Variants in ZNF681 observed in about 807,000 individuals in gnomAD.
ZNF681 encodes the protein hypothetical protein FLJ31526.
In ZNF681, 37 loss-of-function variants were observed where a neutral mutation model predicts 56.0. That is an observed-to-expected ratio of 0.66 (90% CI 0.51 to 0.87). The LOEUF (loss-of-function observed/expected upper bound fraction) is 0.87, where lower values mean the gene tolerates loss of function less well. Ranked by LOEUF, ZNF681 falls within the 40% of genes least tolerant of loss-of-function variation. The pLI is 0.00. For synonymous variants in ZNF681, 225 were observed against 248.6 expected (o/e 0.91, Z 0.89); for missense variants, 741 against 744.9 (o/e 0.99, Z 0.06).
chr19:23,746,426 A>G (rs1568310352), intron 3 of ZNF681, among the ~76,000 whole-genome samples: 1 of 152,236 alleles, frequency 6.6e-6, no homozygotes, highest in Non-Finnish European at 1.5e-5. Flanking sequence ...CACAAAGCTT[A>G]CAATCATGGT....
intron 1 of ZNF681, among the ~76,000 whole-genome samples, chr19:23,758,371 T>C (rs541409229): frequency 1.3e-5 from 2 of 152,302 alleles, no homozygotes; most frequent in South Asian, 2.1e-4. Context: ...TTGACTCTCA[T>C]ACATTTTTAA....
intron 1 of ZNF681, among the ~76,000 whole-genome samples, chr19:23,756,794 G>A (rs184156461): frequency 1.1e-4 from 16 of 151,586 alleles, no homozygotes; most frequent in Admixed American, 2.6e-4. Context: ...CTTGTATCCC[G>A]AAACTTAAAG....
At position 23,742,358 on chromosome 19, in the gene ZNF681, G is replaced by GC. The variant is rs1968883204; in HGVS notation, c.*1253dup. ...AATACAAAATTAGCCGGGCATGGTG[G>GC]CACATGCCTGTAATCCCAGCTACTC... On this transcript the variant is annotated 3_prime_UTR_variant, in exon 4 of 4. Coordinates refer to ENST00000402377, the MANE Select transcript of ZNF681 (RefSeq NM_138286.3). The GC allele has an allele frequency of 6.6e-6, 1 of 152,032 alleles. No homozygotes were observed. Among genetic ancestry groups the GC allele is most frequent in the South Asian group, 2.1e-4 (1 of 4,808 alleles). The allele number at this position is 152,032 out of a possible 1,614,324, so 9.4% of individuals were successfully genotyped here.
In ZNF681 at chr19:23,750,176, T is replaced by C. The variant is rs542716642; in HGVS notation, c.226+4647A>G. On this transcript the variant is annotated intron_variant, in intron 3 of 3. Coordinates refer to ENST00000402377, the MANE Select transcript of ZNF681 (RefSeq NM_138286.3). ...GACATGAGCCTGTAATCCCAGCTACTCGGTGGCTGAGGCTGGAGAACTGCT... is the reference window on the plus strand; with the variant it reads ...GACATGAGCCTGTAATCCCAGCTACCCGGTGGCTGAGGCTGGAGAACTGCT... 9.3e-5 allele frequency among the ~76,000 whole-genome samples: 14 copies of C among 150,782 alleles called. No individual in the cohort carries two copies. The South Asian group carries it at 2.9e-3, about 32-fold the overall frequency.
chr19:23,751,950 G>C (rs1226776131), intron 3 of ZNF681, among the ~76,000 whole-genome samples: 1 of 152,186 alleles, frequency 6.6e-6, no homozygotes, highest in South Asian at 2.1e-4. Flanking sequence ...GCCTCCCAGA[G>C]TGCTGGGATT....
At position 23,744,621 on chromosome 19, in the gene ZNF681, T is replaced by C. The variant is rs556442642; in HGVS notation, c.929A>G (p.Asn310Ser). The C allele has an allele frequency of 2.4e-5, 39 of 1,614,064 alleles. No individual in the cohort carries two copies. The South Asian group carries it at 3.2e-4, about 13-fold the overall frequency. ...HKIIHTREKL[N>S]EYKECGKAFN... is the part of the protein sequence containing the mutation. ...AGCTTTGCCACATTCCTTATATTCA[T>C]TGAGTTTCTCTCTGGTATGAATTAT... Residue 310 changes from asparagine to serine, a missense_variant, in exon 4 of 4, where the codon AAT becomes AGT. Transcript: ENST00000402377.
In ZNF681 at chr19:23,745,000, T is replaced by A; in HGVS notation, c.550A>T (p.Asn184Tyr). 1 of 1,600,362 alleles carries A rather than the reference T, an allele frequency of 6.2e-7. No homozygotes were observed. The highest frequency in any genetic ancestry group is 2.2e-5 in the East Asian group (1 of 44,682). Residue 184 changes from asparagine to tyrosine, a missense_variant, in exon 4 of 4, where the codon AAC becomes TAC. Physicochemically the swap from Asn to Tyr is moderately radical, Grantham distance 143. Coordinates refer to ENST00000402377, the MANE Select transcript of ZNF681 (RefSeq NM_138286.3). ...CAAATTATTTTATGTTGAGTTAGGT[T>A]TGAAAATATGCAAAATGATTTGCCA... is the stretch of plus-strand genomic sequence containing the variant. ...EFGKSFCIFS[N>Y]LTQHKIICTR...
Position 23,744,513 on chromosome 19 carries a change from G to C in ZNF681, c.1037C>G (p.Ala346Gly). 1 of 1,613,068 alleles carries C rather than the reference G, an allele frequency of 6.2e-7. No homozygotes were observed. The highest frequency in any genetic ancestry group is 8.5e-7 in the Non-Finnish European group (1 of 1,179,438). Residue 346 changes from alanine (A) to glycine (G), a missense_variant, in exon 4 of 4, where the codon GCC becomes GGC. Coordinates refer to ENST00000402377, the MANE Select transcript of ZNF681 (RefSeq NM_138286.3). The stretch of plus-strand genomic sequence containing the variant: ...GGTAAGGTGTGAGGACTGGTTAAAG[G>C]CTTTGCCACATTCTTCACATTTGTA... ...KPYKCEECGK[A>G]FNQSSHLTRH...
At position 23,743,829 on chromosome 19, in the gene ZNF681, G is replaced by T; in HGVS notation, c.1721C>A (p.Ser574Tyr). ...TCTCTTATGTCTAGTAAGGTGTGAG[G>T]ACTGGTTAAAGGCTTTACCACATTC... Reference protein sequence around the residue: ...CEECGKAFNQSSHLTRHKRIH... With the variant: ...CEECGKAFNQYSHLTRHKRIH... The change falls in exon 4 of 4, where the codon TCC becomes TAC. Residue 574 changes from serine (S) to tyrosine (Y), a missense_variant. By Grantham distance (144) the Ser-to-Tyr change is moderately radical. Transcript: ENST00000402377. 3 of 1,612,618 alleles carry T rather than the reference G, an allele frequency of 1.9e-6. No individual in the cohort carries two copies. The highest frequency in any genetic ancestry group is 2.5e-6 in the Non-Finnish European group (3 of 1,179,594).
In ZNF681 at chr19:23,758,860, C is replaced by G. The variant is rs906615126; in HGVS notation, c.-111G>C. On this transcript the variant is annotated 5_prime_UTR_variant, in exon 1 of 4. Transcript: ENST00000402377. The stretch of plus-strand genomic sequence containing the variant: ...AGAAGAGGACACAGAGCAGTGAAGA[C>G]GAGACCCGGAGCTCGGGCTGAAGGG... The G allele has an allele frequency of 6.8e-7, 1 of 1,479,776 alleles. No individual in the cohort carries two copies. Among genetic ancestry groups the G allele is most frequent in the East Asian group, 2.3e-5 (1 of 43,914 alleles). 91.7% of individuals were successfully genotyped at this position (1,479,776 alleles called of 1,614,324 possible).
intron 3 of ZNF681, among the ~76,000 whole-genome samples, chr19:23,746,857 C>G (rs1968951902): frequency 6.6e-6 from 1 of 152,194 alleles, no homozygotes; most frequent in Admixed American, 6.5e-5. Context: ...GGTGCTGTGG[C>G]TCATGCCTAT....
At chr19:23,758,457 G>C (rs1033950689) in intron 1 of ZNF681, among the ~76,000 whole-genome samples, 2 of 152,130 alleles carry the variant, frequency 1.3e-5, no homozygotes, top group Admixed American at 1.3e-4. Flanking sequence ...GTCAGGATTC[G>C]CCCCTGACGA....
At chr19:23,752,932 C>T (rs1969054312) in intron 3 of ZNF681, among the ~76,000 whole-genome samples, 1 of 151,802 alleles carries the variant, frequency 6.6e-6, no homozygotes, top group Admixed American at 6.6e-5. Flanking sequence ...AAATTGAAGA[C>T]AAGTAAGTAA....
chr19:23,751,448 T>C (rs2886133), intron 3 of ZNF681, among the ~76,000 whole-genome samples: 143,627 of 146,740 alleles, frequency 0.98, 70,382 homozygotes, highest in Middle Eastern at 1. Context: ...TGTACTTTAG[T>C]CTGGCGACAG....
intron 3 of ZNF681, among the ~76,000 whole-genome samples, chr19:23,752,197 G>A (rs555662390): frequency 6.6e-6 from 1 of 152,222 alleles, no homozygotes; most frequent in Non-Finnish European, 1.5e-5. Flanking sequence ...ACCAGGAAAT[G>A]GACTACCCAA....
At position 23,743,786 on chromosome 19, in the gene ZNF681, T is replaced by C. The variant is rs538305056; in HGVS notation, c.1764A>G (p.Lys588=). 18 of 1,613,550 alleles carry C rather than the reference T, an allele frequency of 1.1e-5. No homozygotes were observed. The African/African-American group carries it at 1.7e-4, about 16-fold the overall frequency. Reference sequence around the variant, plus strand: ...TGCCACATTTTTCACATTGGTAGGGTTTCTCTCCAGTATGAATTCTCTTAT... The same window carrying C: ...TGCCACATTTTTCACATTGGTAGGGCTTCTCTCCAGTATGAATTCTCTTAT... The part of the protein sequence containing the change: ...TRHKRIHTGE[K]PYQCEKCGKA... Residue 588 remains lysine (K), a synonymous_variant, in exon 4 of 4, where the codon AAA becomes AAG. Transcript: ENST00000402377.
In ZNF681 at chr19:23,743,158, T is replaced by C. The variant is rs1247840875; in HGVS notation, c.*454A>G. 1.3e-5 allele frequency: 2 copies of C among 152,414 alleles called. No homozygotes were observed. Among genetic ancestry groups the C allele is most frequent in the African/African-American group, 4.8e-5 (2 of 41,468 alleles). 9.4% of individuals were successfully genotyped at this position (152,414 alleles called of 1,614,324 possible). On this transcript the variant is annotated 3_prime_UTR_variant, in exon 4 of 4. Transcript: ENST00000402377. ...AAATTTATTACATTTGCAGGGTTTTTCTCCAATATAAATTTCCTTATGTTG... is the reference window on the plus strand; with the variant it reads ...AAATTTATTACATTTGCAGGGTTTTCCTCCAATATAAATTTCCTTATGTTG...
At chr19:23,757,499 T>C (rs1368524435) in intron 1 of ZNF681, among the ~76,000 whole-genome samples, 1 of 152,176 alleles carries the variant, frequency 6.6e-6, no homozygotes. Flanking sequence ...TGTTTGTGAC[T>C]TGTAGAGCAA....
Position 23,743,961 on chromosome 19 carries a change from C to T in ZNF681, c.1589G>A (p.Gly530Glu), listed in dbSNP as rs760265836. 7 of 1,612,640 alleles carry T rather than the reference C, an allele frequency of 4.3e-6. No individual in the cohort carries two copies. Among genetic ancestry groups the T allele is most frequent in the Non-Finnish European group, 5.9e-6 (7 of 1,179,832 alleles). The change falls in exon 4 of 4, where the codon GGA becomes GAA. Residue 530 changes from glycine to glutamate, a missense_variant. Gly to Glu is a moderately conservative substitution (Grantham distance 98). Transcript: ENST00000402377. ...KLTEHKKIHT[G>E]EKPYTCEECG... ...TTCTTCACATGTGTAGGGTTTCTCT[C>T]CAGTATGAATTTTCTTATGTTCAGT...
Sources: gnomAD v4.1 joint callset for allele counts (sites outside exome capture counted in the v4.1 genomes callset) on GRCh38, gnomAD v4.1.1 for gene constraint, MANE v1.5 for transcripts, NCBI Gene and HGNC (gene_info 2026-07-23, HGNC 2026-07-21) for gene names.